The following ITGB2 variants were observed in gnomAD, a reference collection of about 807,000 sequenced individuals.
ITGB2 encodes integrin beta-2.
In ITGB2, 56 loss-of-function variants were observed where a neutral mutation model predicts 86.8. The observed-to-expected ratio is 0.65, with a 90% CI of 0.52 to 0.81. The LOEUF is 0.81. ITGB2 is among the 30% of genes least tolerant of loss of function. The pLI is 0.00. For missense variants in ITGB2, 948 were observed against 1,061.2 expected (o/e 0.89, Z 1.48); for synonymous variants, 457 against 450.4 (o/e 1.01, Z -0.19).
Position 44,906,929 on chromosome 21 carries a change from A to G in ITGB2, c.314T>C (p.Leu105Pro), listed in dbSNP as rs145851783. ...QKQLSPQKVT[L>P]YLRPGQAAAF... ...GCCAAGCCTACCTGGTCGCAGGTAA[A>G]GCGTCACTTTTTGTGGGGACAGCTG... Residue 105 changes from leucine to proline, a missense_variant, in exon 4 of 16, where the codon CTT becomes CCT. Physicochemically the swap from Leu to Pro is moderately conservative, Grantham distance 98. Transcript: ENST00000652462. The G allele has an allele frequency of 4.5e-5, 73 of 1,613,988 alleles. No individual in the cohort carries two copies. In the African/African-American group the frequency reaches 9.1e-4, roughly 20 times the overall value.
At position 44,886,893 on chromosome 21, in the gene ITGB2, G is replaced by A. The variant is rs992022633; in HGVS notation, c.2090C>T (p.Ala697Val). 6.2e-7 allele frequency: 1 copy of A among 1,613,042 alleles called. No individual in the cohort carries two copies. Among genetic ancestry groups the A allele is most frequent in the Non-Finnish European group, 8.5e-7 (1 of 1,180,014 alleles). Residue 697 changes from alanine (A) to valine (V), a missense_variant, in exon 15 of 16, where the codon GCA (alanine) becomes GTA (valine). Ala to Val is a moderately conservative substitution (Grantham distance 64). Coordinates refer to ENST00000652462, the MANE Select transcript of ITGB2 (RefSeq NM_000211.5). ...IYVDESRECV[A>V]GPNIAAIVGG... is the part of the protein sequence containing the mutation. ...GACGATGGCGGCGATGTTGGGGCCTGCCACACACTCTAGGGAAGAAGCAGC... is the reference window on the plus strand; with the variant it reads ...GACGATGGCGGCGATGTTGGGGCCTACCACACACTCTAGGGAAGAAGCAGC...
intron 14 of ITGB2, 23 bp from the exon 15 acceptor site, chr21:44,886,925 G>T: frequency 1.2e-6 from 2 of 1,610,348 alleles, no homozygotes; most frequent in South Asian, 2.2e-5. Context: ...CAGCACACCT[G>T]AGCGTCAGTC....
chr21:44,893,966 ACAGAGACAGACAGAGATGGGG>A, intron 9 of ITGB2: 1 of 314,448 alleles, frequency 3.2e-6, no homozygotes, highest in South Asian at 2.7e-5. Context: ...AGAGGCAGAG[ACAGAGACAGACAGAGATGGGG>A]CAGAGACAGA....
At chr21:44,906,585 C>G in intron 4 of ITGB2, among the ~76,000 whole-genome samples, 2 of 152,282 alleles carry the variant, frequency 1.3e-5, no homozygotes, top group Non-Finnish European at 2.9e-5. Flanking sequence ...TAAGAGTACC[C>G]TGGCCTTCTG....
intron 8 of ITGB2, among the ~76,000 whole-genome samples, chr21:44,896,027 C>T (rs115849529): frequency 1.7e-3 from 259 of 151,246 alleles, no homozygotes; most frequent in African/African-American, 6.0e-3. Flanking sequence ...TGAGTGATCC[C>T]GCCTGCGGTG....
intron 1 of ITGB2, among the ~76,000 whole-genome samples, chr21:44,912,460 C>T (rs1419178597): frequency 6.6e-6 from 1 of 152,232 alleles, no homozygotes; most frequent in East Asian, 1.9e-4. Flanking sequence ...TTGGCAGTGA[C>T]CTCATTCCCT....
intron 13 of ITGB2, 124 bp from the exon 14 acceptor site, chr21:44,889,019 A>AG: frequency 1.3e-6 from 1 of 780,358 alleles, no homozygotes; most frequent in Non-Finnish European, 2.1e-6. Flanking sequence ...CAGGCCAAGG[A>AG]GGGGGCCCAA....
intron 12 of ITGB2, 72 bp from the exon 13 acceptor site, chr21:44,889,567 G>C: frequency 7.3e-7 from 1 of 1,362,088 alleles, no homozygotes; most frequent in South Asian, 1.2e-5. Context: ...ACCCCACTGC[G>C]GTTGCTCCCT....
intron 1 of ITGB2, chr21:44,914,095 T>C (rs9980413): frequency 0.66 from 100,329 of 152,066 alleles, 33,625 homozygotes; most frequent in African/African-American, 0.77. Flanking sequence ...CCCTCCTCAT[T>C]CTCCAAGGCC....
rs763712160 is a variant in ITGB2, at chr21:44,900,437, C to G, written c.780G>C (p.Val260=). Residue 260 remains valine, a synonymous_variant, in exon 7 of 16, where the codon GTG becomes GTC. Transcript: ENST00000652462. ...IGWRNVTRLL[V]FATDDGFHFA... is the part of the protein sequence containing the mutation. ...AATGGAAGCCGTCATCAGTGGCAAA[C>G]ACCAGCAGCCGCGTGACGTTGCGCC... 1.3e-5 allele frequency: 21 copies of G among 1,613,908 alleles called. No homozygotes were observed. Among genetic ancestry groups the G allele is most frequent in the Non-Finnish European group, 1.7e-5 (20 of 1,179,952 alleles).
intron 1 of ITGB2, among the ~76,000 whole-genome samples, chr21:44,917,718 T>A (rs1401515324): frequency 6.6e-6 from 1 of 152,156 alleles, no homozygotes; most frequent in Non-Finnish European, 1.5e-5. Flanking sequence ...TCTCAGCACC[T>A]CTTTTCCCCA....
intron 14 of ITGB2, among the ~76,000 whole-genome samples, chr21:44,887,218 G>A (rs1470294394): frequency 6.6e-6 from 1 of 152,186 alleles, no homozygotes. Context: ...GACACAGTGC[G>A]AGGGACCCCG....
chr21:44,920,227 A>G lies in ITGB2; in HGVS notation c.-4+594T>C, dbSNP rs548015433. On this transcript the variant is annotated intron_variant, in intron 1 of 15. Transcript: ENST00000652462. ...CCCCACATCACATGCGCACACTCGCACACCATACATGCACACACACACACC... is the reference window on the plus strand; with the variant it reads ...CCCCACATCACATGCGCACACTCGCGCACCATACATGCACACACACACACC... Among the ~76,000 whole-genome samples the G allele has an allele frequency of 2.6e-5, 4 of 152,108 alleles. No individual in the cohort carries two copies. In the South Asian group the frequency reaches 6.2e-4, roughly 24 times the overall value.
At chr21:44,926,155 G>A (rs1031904640) in intron 1 of ITGB2, among the ~76,000 whole-genome samples, 9 of 151,898 alleles carry the variant, frequency 5.9e-5, no homozygotes, top group Admixed American at 4.6e-4. Flanking sequence ...ATTAAATAAA[G>A]GCTGGTGGAG....
At chr21:44,913,899 C>T (rs758668517) in intron 1 of ITGB2, among the ~76,000 whole-genome samples, 4 of 152,188 alleles carry the variant, frequency 2.6e-5, no homozygotes, top group African/African-American at 4.8e-5. Context: ...GGGCAGCATT[C>T]GGGCAAACAG....
intron 1 of ITGB2, among the ~76,000 whole-genome samples, chr21:44,920,330 C>G (rs892849735): frequency 6.6e-6 from 1 of 152,164 alleles, no homozygotes; most frequent in Non-Finnish European, 1.5e-5. Flanking sequence ...ACACCACGAA[C>G]CACACCACAC....
intron 1 of ITGB2, among the ~76,000 whole-genome samples, chr21:44,918,490 A>G (rs1420919014): frequency 1.3e-5 from 2 of 152,206 alleles, no homozygotes; most frequent in African/African-American, 4.8e-5. Context: ...TGGAGTGCGC[A>G]CAATTGGCCA....
intron 4 of ITGB2, among the ~76,000 whole-genome samples, chr21:44,903,877 C>T (rs1309193149): frequency 6.6e-6 from 1 of 152,154 alleles, no homozygotes; most frequent in Non-Finnish European, 1.5e-5. Context: ...AACCCGGCCC[C>T]ATGCCTGCAG....
chr21:44,903,374 C>G lies in ITGB2; in HGVS notation c.490G>C (p.Gly164Arg). ...LRALNEITES[G>R]RIGFGSFVDK... Reference sequence around the variant, plus strand: ...AGTGCCTGGGCCTCACCAATGCGGCCGGACTCGGTGATCTCGTTGAGGGCC... The same window carrying G: ...AGTGCCTGGGCCTCACCAATGCGGCGGGACTCGGTGATCTCGTTGAGGGCC... The change falls in exon 5 of 16, where the codon GGC becomes CGC. Residue 164 changes from glycine (G) to arginine (R), a missense_variant. Gly to Arg is a moderately radical substitution (Grantham distance 125, BLOSUM62 -2). Coordinates refer to ENST00000652462, the MANE Select transcript of ITGB2 (RefSeq NM_000211.5). The G allele has an allele frequency of 6.2e-7, 1 of 1,614,048 alleles. No homozygotes were observed.
Sources: gnomAD v4.1 joint callset for allele counts (sites outside exome capture counted in the v4.1 genomes callset) on GRCh38, gnomAD v4.1.1 for gene constraint, MANE v1.5 for transcripts, NCBI Gene and HGNC (gene_info 2026-07-23, HGNC 2026-07-21) for gene names.